NPNT: variants seen among roughly 807,000 people sequenced by gnomAD.
NPNT encodes the protein nephronectin, also known as preosteoblast EGF-like repeat protein with MAM domain.
NPNT carries 45 observed loss-of-function variants against 68.6 expected under a neutral mutation model. The observed-to-expected ratio is 0.66, with a 90% CI of 0.52 to 0.84. The LOEUF is 0.84. Ranked by LOEUF, NPNT falls within the 40% of genes least tolerant of loss-of-function variation. The pLI is 0.00. For synonymous variants in NPNT, 233 were observed against 253.3 expected (o/e 0.92, Z 0.76); for missense variants, 672 against 714.8 (o/e 0.94, Z 0.68).
rs1420899742 is a variant in NPNT, at chr4:105,928,177, T to TATAATC, written c.265+749_265+750insATAATC. On this transcript the variant is annotated intron_variant, in intron 3 of 11. Transcript: ENST00000379987. ...CAGAGTTAGTAAAAGAGCTAGCATG[T>TATAATC]CAACTTAGAGCTATGGCATATATAA... Among the ~76,000 whole-genome samples, 374 of 152,306 alleles carry TATAATC rather than the reference T, an allele frequency of 2.5e-3. 2 individuals are homozygous for TATAATC. The highest frequency in any genetic ancestry group is 8.6e-3 in the African/African-American group (358 of 41,564).
chr4:105,910,106 T>A (rs144222187), intron 2 of NPNT, among the ~76,000 whole-genome samples: 1 of 152,220 alleles, frequency 6.6e-6, no homozygotes, highest in East Asian at 1.9e-4. Flanking sequence ...TTCTTATCCT[T>A]GATTTTCCTA....
Position 105,903,094 on chromosome 4 carries a change from A to G in NPNT, c.172+5093A>G, listed in dbSNP as rs993708575. Among the ~76,000 whole-genome samples, 8 of 152,118 alleles carry G rather than the reference A, an allele frequency of 5.3e-5. No homozygotes were observed. The East Asian group carries it at 1.3e-3, about 26-fold the overall frequency. On this transcript the variant is annotated intron_variant, in intron 2 of 11. Coordinates refer to ENST00000379987, the MANE Select transcript of NPNT (RefSeq NM_001033047.3). ...AGGGATATGCTGCTTGAAGTTGCCC[A>G]CGCATGTACACACTGGGACCAAGAA...
At chr4:105,964,078 G>A (rs1731937446) in intron 10 of NPNT, among the ~76,000 whole-genome samples, 1 of 152,070 alleles carries the variant, frequency 6.6e-6, no homozygotes, top group South Asian at 2.1e-4. Context: ...CTTTGACCTT[G>A]AGCAAGTTAC....
chr4:105,932,495 A>G (rs912490378), intron 3 of NPNT: 1 of 606,720 alleles, frequency 1.6e-6, no homozygotes, highest in South Asian at 2.1e-5. Flanking sequence ...TATCTAATGC[A>G]TTCTTTTTAA....
At chr4:105,922,728 A>G (rs1298676026) in intron 2 of NPNT, among the ~76,000 whole-genome samples, 1 of 152,170 alleles carries the variant, frequency 6.6e-6, no homozygotes, top group Non-Finnish European at 1.5e-5. Flanking sequence ...AGTTAAAACA[A>G]TGATTTAGAG....
At chr4:105,966,471 T>C (rs559709169) in intron 10 of NPNT, among the ~76,000 whole-genome samples, 15 of 152,324 alleles carry the variant, frequency 9.8e-5, no homozygotes, top group Admixed American at 2.0e-4. Flanking sequence ...TAATAGGACA[T>C]ATTTATAGAA....
intron 2 of NPNT, among the ~76,000 whole-genome samples, chr4:105,921,235 C>G (rs78270431): frequency 0.012 from 1,758 of 152,254 alleles, 39 homozygotes; most frequent in African/African-American, 0.04. Flanking sequence ...TAATCTCACT[C>G]TCCCCACTTC....
At chr4:105,940,411 C>A in intron 6 of NPNT, 103 bp from the exon 7 acceptor site, 1 of 1,189,748 alleles carries the variant, frequency 8.4e-7, no homozygotes, top group Non-Finnish European at 1.2e-6. Context: ...TTATGTAGAT[C>A]ATCACATTGC....
intron 8 of NPNT, among the ~76,000 whole-genome samples, chr4:105,951,100 C>T (rs72970419): frequency 0.023 from 3,469 of 152,222 alleles, 126 homozygotes; most frequent in African/African-American, 0.079. Context: ...ATGGCAGCTC[C>T]AACCCAGCAG....
chr4:105,938,439 C>T lies in NPNT; in HGVS notation c.505+19C>T, dbSNP rs1010539083. On this transcript the variant is annotated intron_variant, in intron 5 of 11. Coordinates refer to ENST00000379987, the MANE Select transcript of NPNT (RefSeq NM_001033047.3). ...TGTGTAGGTGAGTTGTAAAATCAAG[C>T]ATCTCTGTCAGCAGCCTCTGTAGGA... 6.2e-7 allele frequency: 1 copy of T among 1,610,350 alleles called. No homozygotes were observed. The highest frequency in any genetic ancestry group is 1.3e-5 in the African/African-American group (1 of 74,730).
At position 105,895,732 on chromosome 4, in the gene NPNT, G is replaced by A. The variant is rs940865997; in HGVS notation, c.71+9G>A. 3 of 1,550,936 alleles carry A rather than the reference G, an allele frequency of 1.9e-6. No individual in the cohort carries two copies. In the South Asian group the frequency reaches 3.6e-5, roughly 18 times the overall value. Reference sequence around the variant, plus strand: ...GCCGAGTTCGACGGGAGGTGAGCTGGGCCCCGGGGCGCCCTCTCCTCCTTC... The same window carrying A: ...GCCGAGTTCGACGGGAGGTGAGCTGAGCCCCGGGGCGCCCTCTCCTCCTTC... On this transcript the variant is annotated intron_variant, in intron 1 of 11. Coordinates refer to ENST00000379987, the MANE Select transcript of NPNT (RefSeq NM_001033047.3).
rs967517885 is a variant in NPNT at position 105,957,326 on chromosome 4, G to T, written c.1160-1145G>T. ...ATGTAAGATCCAGACCCTCAGTCTTGTCTACCCCGTTCACCCTGTCTCCTT... is the reference window on the plus strand; with the variant it reads ...ATGTAAGATCCAGACCCTCAGTCTTTTCTACCCCGTTCACCCTGTCTCCTT... On this transcript the variant is annotated intron_variant, in intron 8 of 11. Coordinates refer to ENST00000379987, the MANE Select transcript of NPNT (RefSeq NM_001033047.3). Among the ~76,000 whole-genome samples, 7 of 152,228 alleles carry T rather than the reference G, an allele frequency of 4.6e-5. No homozygotes were observed. The East Asian group carries it at 5.8e-4, about 13-fold the overall frequency.
chr4:105,947,009 G>C (rs1317602059), intron 8 of NPNT, among the ~76,000 whole-genome samples: 2 of 152,130 alleles, frequency 1.3e-5, no homozygotes, highest in African/African-American at 2.4e-5. Flanking sequence ...GACACTCCCA[G>C]AGCAGCTGTT....
At chr4:105,904,200 A>G (rs1726679931) in intron 2 of NPNT, among the ~76,000 whole-genome samples, 1 of 152,216 alleles carries the variant, frequency 6.6e-6, no homozygotes, top group African/African-American at 2.4e-5. Flanking sequence ...AACACAAGCA[A>G]TTCTAAAAAA....
intron 2 of NPNT, among the ~76,000 whole-genome samples, chr4:105,899,626 G>T (rs189899100): frequency 1.3e-5 from 2 of 152,126 alleles, no homozygotes; most frequent in Non-Finnish European, 2.9e-5. Flanking sequence ...GCAAACATTC[G>T]TTTGCTTCAC....
chr4:105,939,428 T>C (rs961336466), intron 5 of NPNT, among the ~76,000 whole-genome samples: 3 of 152,062 alleles, frequency 2.0e-5, no homozygotes, highest in East Asian at 3.9e-4. Flanking sequence ...TGGCTGGAGA[T>C]ATAATGGGTG....
At chr4:105,964,818 G>T (rs1220471498) in intron 10 of NPNT, among the ~76,000 whole-genome samples, 2 of 151,988 alleles carry the variant, frequency 1.3e-5, no homozygotes, top group Non-Finnish European at 2.9e-5. Flanking sequence ...TGCAAATTTG[G>T]AAACTTAAAT....
chr4:105,925,280 A>G (rs1401581550), intron 2 of NPNT, among the ~76,000 whole-genome samples: 1 of 152,168 alleles, frequency 6.6e-6, no homozygotes, highest in Non-Finnish European at 1.5e-5. Flanking sequence ...GCATTTCCCT[A>G]TCATTTACAC....
At chr4:105,933,104 T>C (rs1046414780) in intron 3 of NPNT, among the ~76,000 whole-genome samples, 1 of 152,162 alleles carries the variant, frequency 6.6e-6, no homozygotes, top group African/African-American at 2.4e-5. Context: ...TTTTAGGTTA[T>C]CTGAAAATCA....
Sources: allele counts gnomAD v4.1 joint callset (sites outside exome capture counted in the v4.1 genomes callset), GRCh38; gene constraint gnomAD v4.1.1; transcripts MANE v1.5; gene names NCBI Gene and HGNC (gene_info 2026-07-23, HGNC 2026-07-21).